Variants in RANBP2 observed in about 807,000 individuals in gnomAD.
RANBP2 encodes E3 SUMO-protein ligase RanBP2.
In RANBP2, 57 loss-of-function variants were observed where a neutral mutation model predicts 303.6. The observed-to-expected ratio is 0.19, with a 90% CI of 0.15 to 0.23. The LOEUF is 0.23. RANBP2 is among the 10% of genes least tolerant of loss of function. RANBP2 has a pLI of 1.00. For synonymous variants in RANBP2, 1,167 were observed against 1,301.5 expected (o/e 0.90, Z 2.23); for missense variants, 3,138 against 3,780.8 (o/e 0.83, Z 4.46).
chr2:109,418,951 C>G, the RANBP2 span, among the ~76,000 whole-genome samples: 2 of 152,176 alleles, frequency 1.3e-5, no homozygotes, highest in East Asian at 3.9e-4. Flanking sequence ...CCACTGTCCC[C>G]AGAGAGCACA....
At chr2:109,536,631 T>C in the RANBP2 span, among the ~76,000 whole-genome samples, 120 of 152,226 alleles carry the variant, frequency 7.9e-4, no homozygotes, top group Non-Finnish European at 1.3e-3. Context: ...AGTTAAGACT[T>C]TGGGGCTGTT....
the RANBP2 span, among the ~76,000 whole-genome samples, chr2:108,892,145 A>G: frequency 6.6e-6 from 1 of 152,082 alleles, no homozygotes; most frequent in African/African-American, 2.4e-5. Flanking sequence ...ACCACTGGAC[A>G]GAGTGTGGCT....
the RANBP2 span, among the ~76,000 whole-genome samples, chr2:109,149,276 G>A: frequency 6.6e-6 from 1 of 152,150 alleles, no homozygotes; most frequent in African/African-American, 2.4e-5. Flanking sequence ...CCCGGGACCC[G>A]TTCTCTGGGA....
chr2:109,042,049 T>C, the RANBP2 span, among the ~76,000 whole-genome samples: 1 of 152,168 alleles, frequency 6.6e-6, no homozygotes, highest in African/African-American at 2.4e-5. Context: ...GTTTGGGGTT[T>C]CCACATCTAT....
the RANBP2 span, among the ~76,000 whole-genome samples, chr2:108,998,221 G>A: frequency 3.3e-5 from 5 of 152,196 alleles, no homozygotes; most frequent in South Asian, 8.3e-4. Flanking sequence ...TTCTTCCTCT[G>A]TGAAACCTGA....
At chr2:109,416,823 C>T in the RANBP2 span, among the ~76,000 whole-genome samples, 1 of 151,198 alleles carries the variant, frequency 6.6e-6, no homozygotes, top group Non-Finnish European at 1.5e-5. Flanking sequence ...GGAGAATCGC[C>T]TGAGCCCAGA....
rs1488013646 is a variant in RANBP2, at chr2:108,773,622, A to C, written c.8292+576A>C. On this transcript the variant is annotated intron_variant, in intron 23 of 28. Transcript: ENST00000283195. ...GAAATTGATCTATAGATTTAACACA[A>C]CACCAGTCAAAACCCCTCCAGGAAT... Among the ~76,000 whole-genome samples the C allele has an allele frequency of 3.3e-5, 5 of 151,666 alleles. No homozygotes were observed. In the East Asian group the frequency reaches 5.8e-4, roughly 18 times the overall value.
At chr2:109,125,367 A>C in the RANBP2 span, among the ~76,000 whole-genome samples, 1 of 152,162 alleles carries the variant, frequency 6.6e-6, no homozygotes, top group African/African-American at 2.4e-5. Context: ...AAAGAAGTTC[A>C]AATTTTGGGC....
intron 1 of RANBP2, among the ~76,000 whole-genome samples, chr2:108,724,907 A>AG (rs1694573467): frequency 6.6e-6 from 1 of 151,956 alleles, no homozygotes; most frequent in Non-Finnish European, 1.5e-5. Flanking sequence ...GGAGGATTTT[A>AG]GGGGGAGGGA....
the RANBP2 span, among the ~76,000 whole-genome samples, chr2:109,452,002 T>C: frequency 3.9e-5 from 6 of 152,236 alleles, no homozygotes; most frequent in African/African-American, 1.4e-4. Context: ...TCCCACACAT[T>C]GTGTGTGCTT....
At chr2:108,719,710 G>C in intron 1 of RANBP2, 32 bp downstream of exon 1, 1 of 1,569,974 alleles carries the variant, frequency 6.4e-7, no homozygotes, top group South Asian at 1.2e-5. Context: ...CGACGGCCTC[G>C]ACCTGGCCGG....
At chr2:109,235,400 G>A in the RANBP2 span, among the ~76,000 whole-genome samples, 1 of 152,206 alleles carries the variant, frequency 6.6e-6, no homozygotes, top group South Asian at 2.1e-4. Context: ...AAGCCTTTGT[G>A]TGTGTTAGCT....
At chr2:109,405,970 A>G in the RANBP2 span, among the ~76,000 whole-genome samples, 89,378 of 152,074 alleles carry the variant, frequency 0.59, 27,155 homozygotes, top group African/African-American at 0.74. Context: ...TACCTGAGAG[A>G]CTGTGTGGCC....
the RANBP2 span, among the ~76,000 whole-genome samples, chr2:108,927,071 G>A: frequency 6.6e-6 from 1 of 152,182 alleles, no homozygotes; most frequent in Non-Finnish European, 1.5e-5. Flanking sequence ...GTGGGCGTTG[G>A]GACTGGCAGT....
At chr2:109,551,923 C>A in the RANBP2 span, among the ~76,000 whole-genome samples, 946 of 152,312 alleles carry the variant, frequency 6.2e-3, 6 homozygotes, top group African/African-American at 0.022. Context: ...ACCCCAAGGT[C>A]ATCTAGACCA....
At chr2:109,371,241 T>C in the RANBP2 span, among the ~76,000 whole-genome samples, 4 of 152,122 alleles carry the variant, frequency 2.6e-5, no homozygotes, top group Non-Finnish European at 4.4e-5. Context: ...AATACAAAAA[T>C]TAGCTGGGTG....
At chr2:109,692,239 T>C in the RANBP2 span, among the ~76,000 whole-genome samples, 88,174 of 151,300 alleles carry the variant, frequency 0.58, 25,899 homozygotes, top group East Asian at 0.85. Flanking sequence ...GGGAACTGTC[T>C]CTGATAGGCA....
the RANBP2 span, among the ~76,000 whole-genome samples, chr2:109,014,648 A>C: frequency 6.6e-6 from 1 of 152,188 alleles, no homozygotes; most frequent in Admixed American, 6.5e-5. Context: ...CCATGCCTGG[A>C]GCCTGTGTGG....
the RANBP2 span, chr2:108,910,320 G>A: frequency 1.4e-6 from 1 of 697,802 alleles, no homozygotes; most frequent in Non-Finnish European, 2.5e-6. Context: ...GCAAAGAGGT[G>A]GTGGGGACTG....
Sources: gnomAD v4.1 joint callset for allele counts (sites outside exome capture counted in the v4.1 genomes callset) on GRCh38, gnomAD v4.1.1 for gene constraint, MANE v1.5 for transcripts, NCBI Gene and HGNC (gene_info 2026-07-23, HGNC 2026-07-21) for gene names.